FMN2: variants seen among roughly 807,000 people sequenced by gnomAD.
FMN2 encodes formin 2, also known as formin-2.
FMN2 carries 51 observed loss-of-function variants against 142.3 expected under a neutral mutation model. The observed-to-expected ratio is 0.36, with a 90% confidence interval of 0.29 to 0.45. FMN2 has a LOEUF of 0.45. Ranked by LOEUF, FMN2 falls within the 20% of genes least tolerant of loss-of-function variation. The pLI, the probability that FMN2 is intolerant of heterozygous loss-of-function variation, is 1.00. For missense variants in FMN2, 1,936 were observed against 2,122.8 expected, an observed-to-expected ratio of 0.91 and a Z score of 1.73; for synonymous variants, 882 against 869.8, an observed-to-expected ratio of 1.01 and a Z score of -0.25.
At chr1:240,171,996 T>G (rs1664721899) in intron 2 of FMN2, among the ~76,000 whole-genome samples, 1 of 152,190 alleles carries the variant, frequency 6.6e-6, no homozygotes, top group Admixed American at 6.5e-5. Flanking sequence ...GCATCCCTGC[T>G]TTAACCCAAA....
intron 8 of FMN2, among the ~76,000 whole-genome samples, chr1:240,312,528 C>T (rs1439438642): frequency 6.6e-6 from 1 of 152,156 alleles, no homozygotes; most frequent in South Asian, 2.1e-4. Flanking sequence ...CTCCTTGGCA[C>T]ATAGTAAGCA....
intron 15 of FMN2, among the ~76,000 whole-genome samples, chr1:240,436,193 C>T (rs982595914): frequency 1.1e-4 from 16 of 152,138 alleles, no homozygotes; most frequent in African/African-American, 3.4e-4. Flanking sequence ...CCTCACATAG[C>T]GTATGCACTT....
intron 6 of FMN2, among the ~76,000 whole-genome samples, chr1:240,213,967 T>C (rs1183355535): frequency 6.6e-6 from 1 of 152,238 alleles, no homozygotes; most frequent in Admixed American, 6.5e-5. Flanking sequence ...CTCAGACTGA[T>C]AGAAATGAAG....
intron 16 of FMN2, among the ~76,000 whole-genome samples, chr1:240,444,414 G>A (rs1675735792): frequency 6.6e-6 from 1 of 152,168 alleles, no homozygotes; most frequent in South Asian, 2.1e-4. Flanking sequence ...TGGCCACTGG[G>A]CCCCCAGCCT....
chr1:240,348,196 C>T (rs1671971769), intron 13 of FMN2, among the ~76,000 whole-genome samples: 1 of 148,814 alleles, frequency 6.7e-6, no homozygotes, highest in African/African-American at 2.5e-5. Flanking sequence ...TCCTCTACAG[C>T]CTTGCCAGTA....
In FMN2 at chr1:240,207,050, T is replaced by C. The variant is rs1666381684; in HGVS notation, c.2238T>C (p.Thr746=). ...HRILEAKSIQ[T]SPTEEGGVLT... ...TTTTAGAGGCGAAATCGATACAGACTTCCCCCACGGAAGAGGGCGGGGTGC... is the reference window on the plus strand; with the variant it reads ...TTTTAGAGGCGAAATCGATACAGACCTCCCCCACGGAAGAGGGCGGGGTGC... The change falls in exon 5 of 18, where the codon ACT becomes ACC. Residue 746 remains threonine, a synonymous_variant. Transcript: ENST00000319653. 1 of 1,614,088 alleles carries C rather than the reference T, an allele frequency of 6.2e-7. No homozygotes were observed. The highest frequency in any genetic ancestry group is 2.2e-5 in the East Asian group (1 of 44,870).
chr1:240,375,962 C>G (rs1009331896), intron 14 of FMN2, among the ~76,000 whole-genome samples: 3 of 151,434 alleles, frequency 2.0e-5, no homozygotes, highest in Non-Finnish European at 4.4e-5. Context: ...TTTTATTTTT[C>G]TTAGTTTTTG....
chr1:240,413,348 C>T (rs1431406158), intron 15 of FMN2, among the ~76,000 whole-genome samples: 2 of 151,276 alleles, frequency 1.3e-5, no homozygotes, highest in African/African-American at 2.4e-5. Context: ...ATATACTTAT[C>T]GGTGAGGAAG....
At chr1:240,300,823 T>C (rs188304472) in intron 8 of FMN2, among the ~76,000 whole-genome samples, 2 of 152,162 alleles carry the variant, frequency 1.3e-5, no homozygotes, top group Admixed American at 6.5e-5. Context: ...AGTTTAGTAA[T>C]ACTCTTTGTC....
intron 6 of FMN2, among the ~76,000 whole-genome samples, chr1:240,219,663 AT>A: frequency 6.6e-6 from 1 of 150,800 alleles, no homozygotes; most frequent in African/African-American, 2.4e-5. Flanking sequence ...TTTTGTATTT[AT>A]TTTTTTTTGA....
At chr1:240,436,763 CAG>C (rs1157081001) in intron 15 of FMN2, among the ~76,000 whole-genome samples, 3 of 151,762 alleles carry the variant, frequency 2.0e-5, no homozygotes, top group African/African-American at 7.3e-5. Flanking sequence ...TGAATACACA[CAG>C]AGATATGTGT....
At chr1:240,445,421 G>T (rs1675771822) in intron 16 of FMN2, among the ~76,000 whole-genome samples, 1 of 152,202 alleles carries the variant, frequency 6.6e-6, no homozygotes, top group South Asian at 2.1e-4. Flanking sequence ...GTCAGAGGAG[G>T]CCTTTCTGAA....
At chr1:240,427,923 T>C (rs1378519339) in intron 15 of FMN2, among the ~76,000 whole-genome samples, 1 of 152,248 alleles carries the variant, frequency 6.6e-6, no homozygotes, top group Non-Finnish European at 1.5e-5. Flanking sequence ...TAACTCCTTA[T>C]AATTTGTAAA....
intron 7 of FMN2, among the ~76,000 whole-genome samples, chr1:240,259,824 T>G (rs750667654): frequency 2.6e-5 from 4 of 152,170 alleles, no homozygotes; most frequent in Non-Finnish European, 4.4e-5. Flanking sequence ...TCTTTAGTGG[T>G]GATCTGAGAT....
intron 8 of FMN2, among the ~76,000 whole-genome samples, chr1:240,328,167 A>AAAAAAAAGAAAG (rs1558435720): frequency 2.1e-5 from 3 of 141,142 alleles, no homozygotes; most frequent in African/African-American, 8.0e-5. Context: ...AAAAAAAAAA[A>AAAAAAAAGAAAG]AAAAAGAAAA....
chr1:240,407,369 C>T (rs1674245944), intron 15 of FMN2, among the ~76,000 whole-genome samples: 1 of 152,070 alleles, frequency 6.6e-6, no homozygotes, highest in Non-Finnish European at 1.5e-5. Context: ...GAACTCCCAA[C>T]GTCAGGTAAT....
intron 7 of FMN2, among the ~76,000 whole-genome samples, chr1:240,271,417 A>ATTT (rs199805120): frequency 3.6e-5 from 5 of 139,064 alleles, no homozygotes; most frequent in African/African-American, 1.3e-4. Flanking sequence ...TCAGTGTCTG[A>ATTT]TTTTTTTTTT....
intron 2 of FMN2, among the ~76,000 whole-genome samples, chr1:240,176,979 A>G (rs1664944830): frequency 6.6e-6 from 1 of 152,196 alleles, no homozygotes; most frequent in Non-Finnish European, 1.5e-5. Context: ...CATCCATCCG[A>G]TAACTCATTT....
chr1:240,412,700 G>A, intron 15 of FMN2, among the ~76,000 whole-genome samples: 1 of 152,176 alleles, frequency 6.6e-6, no homozygotes, highest in Admixed American at 6.5e-5. Flanking sequence ...AGCACTGGAA[G>A]ACCAGACATA....
Sources: gnomAD v4.1 joint callset for allele counts (sites outside exome capture counted in the v4.1 genomes callset) on GRCh38, gnomAD v4.1.1 for gene constraint, MANE v1.5 for transcripts, NCBI Gene and HGNC (gene_info 2026-07-23, HGNC 2026-07-21) for gene names.